C13orf42: variants seen among roughly 807,000 people sequenced by gnomAD.
C13orf42 encodes uncharacterized protein C13orf42.
chr13:51,138,741 A>T (rs1044735596), intron 1 of C13orf42, among the ~76,000 whole-genome samples: 1 of 152,226 alleles, frequency 6.6e-6, no homozygotes, highest in African/African-American at 2.4e-5. Context: ...CTGGGTATTT[A>T]TCCAAAAGAA....
At chr13:51,155,389 A>G (rs1953816750) in intron 1 of C13orf42, among the ~76,000 whole-genome samples, 1 of 152,208 alleles carries the variant, frequency 6.6e-6, no homozygotes, top group Non-Finnish European at 1.5e-5. Flanking sequence ...AATTTAGGGG[A>G]TTCAAGAAAG....
At chr13:51,150,569 T>C (rs1175443310) in intron 1 of C13orf42, among the ~76,000 whole-genome samples, 1 of 152,182 alleles carries the variant, frequency 6.6e-6, no homozygotes, top group Non-Finnish European at 1.5e-5. Flanking sequence ...TTTCAGCAGT[T>C]CTACAAACAT....
rs944565170 is a variant in C13orf42, at chr13:51,085,416, T to G, written c.706A>C (p.Thr236Pro). 6.8e-5 allele frequency: 27 copies of G among 398,476 alleles called. No homozygotes were observed. The highest frequency in any genetic ancestry group is 9.7e-5 in the Non-Finnish European group (22 of 226,070). The allele number at this position is 398,476 out of a possible 1,614,324, so 24.7% of individuals were successfully genotyped here. ...GGGTGCCTCTCGAGTCTCCTCTGAG[T>G]GCCCACGGTCCTGTGCTCGGTGCTC... The part of the protein sequence containing the change: ...RRSTEHRTVG[T>P]QRRLERHPIY... Residue 236 changes from threonine (T) to proline (P), a missense_variant, in exon 3 of 4, where the codon ACT becomes CCT. Coordinates refer to ENST00000563710, the MANE Select transcript of C13orf42 (RefSeq NM_001351589.3).
At chr13:51,125,395 G>C (rs993891437) in intron 1 of C13orf42, among the ~76,000 whole-genome samples, 1 of 152,118 alleles carries the variant, frequency 6.6e-6, no homozygotes, top group Non-Finnish European at 1.5e-5. Context: ...GCCTGGTTCA[G>C]TTGAGGATTT....
At chr13:51,157,231 C>T (rs1482916590) in intron 1 of C13orf42, among the ~76,000 whole-genome samples, 4 of 152,044 alleles carry the variant, frequency 2.6e-5, no homozygotes, top group Admixed American at 6.6e-5. Flanking sequence ...GTCAGGAGTT[C>T]GAGACCAGCC....
intron 1 of C13orf42, among the ~76,000 whole-genome samples, chr13:51,153,644 T>C (rs1303090111): frequency 1.5e-5 from 2 of 137,206 alleles, no homozygotes; most frequent in African/African-American, 2.7e-5. Context: ...TTTTTTTTTT[T>C]TTTTTTTTTT....
rs954467657 is a variant in C13orf42 at position 51,130,128 on chromosome 13, T to C, written n.137-16906A>G. Among the ~76,000 whole-genome samples, 4 of 152,362 alleles carry C rather than the reference T, an allele frequency of 2.6e-5. No homozygotes were observed. In the East Asian group the frequency reaches 7.7e-4, roughly 29 times the overall value. On this transcript the variant is annotated intron_variant and non_coding_transcript_variant, in intron 1 of 4. Coordinates refer to the C13orf42 transcript ENST00000433280. Reference sequence around the variant, plus strand: ...TATTTTTTCAGAAAAGTAAAAAGTGTAATGCCTTTTAGTTCACATGACTTT... The same window carrying C: ...TATTTTTTCAGAAAAGTAAAAAGTGCAATGCCTTTTAGTTCACATGACTTT...
intron 1 of C13orf42, among the ~76,000 whole-genome samples, chr13:51,088,640 C>A (rs1953153794): frequency 6.6e-6 from 1 of 152,088 alleles, no homozygotes; most frequent in Admixed American, 6.6e-5. Flanking sequence ...ATGCCTGTCT[C>A]AAAACATCTC....
At chr13:51,146,340 C>T (rs531504650) in intron 1 of C13orf42, among the ~76,000 whole-genome samples, 89 of 152,236 alleles carry the variant, frequency 5.8e-4, no homozygotes, top group Non-Finnish European at 1.2e-3. Context: ...CTGTCAGCTA[C>T]GGTCCATGTG....
chr13:51,130,934 T>C (rs1411723213), intron 1 of C13orf42, among the ~76,000 whole-genome samples: 1 of 151,892 alleles, frequency 6.6e-6, no homozygotes, highest in East Asian at 1.9e-4. Context: ...GTTAAAGTGT[T>C]GTTTTGAGTT....
intron 1 of C13orf42, among the ~76,000 whole-genome samples, chr13:51,095,509 C>T (rs1953224219): frequency 6.6e-6 from 1 of 151,882 alleles, no homozygotes; most frequent in South Asian, 2.1e-4. Flanking sequence ...TTCTTGGATG[C>T]TCTGTTTTTT....
chr13:51,129,119 C>T (rs1243904756), intron 1 of C13orf42, among the ~76,000 whole-genome samples: 1 of 152,250 alleles, frequency 6.6e-6, no homozygotes, highest in Non-Finnish European at 1.5e-5. Context: ...CTCAAAGCTT[C>T]TGTTGTTAAT....
intron 1 of C13orf42, among the ~76,000 whole-genome samples, chr13:51,143,786 A>G (rs747800300): frequency 3.2e-4 from 48 of 152,332 alleles, no homozygotes; most frequent in South Asian, 2.3e-3. Context: ...TAGGTTCGCT[A>G]AAGTTCAAAA....
At chr13:51,160,504 C>T (rs148964593) in intron 1 of C13orf42, among the ~76,000 whole-genome samples, 30 of 152,242 alleles carry the variant, frequency 2.0e-4, no homozygotes, top group African/African-American at 6.0e-4. Context: ...AGCAAAACTC[C>T]GTCTCAAAAA....
intron 1 of C13orf42, among the ~76,000 whole-genome samples, chr13:51,120,124 T>A (rs1953522215): frequency 6.6e-6 from 1 of 152,212 alleles, no homozygotes; most frequent in African/African-American, 2.4e-5. Context: ...AATGGTTTCA[T>A]CTGTAGAGGT....
At chr13:51,148,085 C>T (rs575591844) in intron 1 of C13orf42, among the ~76,000 whole-genome samples, 2 of 152,318 alleles carry the variant, frequency 1.3e-5, no homozygotes, top group South Asian at 2.1e-4. Flanking sequence ...CACTGGATGA[C>T]GCTTTGCATC....
chr13:51,156,359 T>C (rs530960436), intron 1 of C13orf42, among the ~76,000 whole-genome samples: 8 of 152,362 alleles, frequency 5.3e-5, no homozygotes, highest in Middle Eastern at 3.4e-3. Context: ...TACTGTGTTC[T>C]AAGTGTTTTA....
chr13:51,166,850 G>A (rs562621581), intron 1 of C13orf42, among the ~76,000 whole-genome samples: 158 of 152,240 alleles, frequency 1.0e-3, no homozygotes, highest in African/African-American at 3.6e-3. Context: ...AGGCCGAGGC[G>A]GGCGCATTGC....
intron 1 of C13orf42, among the ~76,000 whole-genome samples, chr13:51,167,298 C>G (rs1412578138): frequency 1.3e-5 from 2 of 152,042 alleles, no homozygotes; most frequent in Non-Finnish European, 2.9e-5. Flanking sequence ...TTTATATAAA[C>G]CTATCTGGGA....
Sources: allele counts gnomAD v4.1 joint callset (sites outside exome capture counted in the v4.1 genomes callset), GRCh38; gene constraint gnomAD v4.1.1; transcripts MANE v1.5; gene names NCBI Gene and HGNC (gene_info 2026-07-23, HGNC 2026-07-21).